The following BCAS3 variants were observed in gnomAD, a reference collection of about 807,000 sequenced individuals.
BCAS3 encodes the protein BCAS3 microtubule associated cell migration factor.
A neutral mutation model predicts 116.1 loss-of-function variants in BCAS3; 53 were observed. That is an observed-to-expected ratio of 0.46 (90% CI 0.37 to 0.57). The LOEUF is 0.57. Ranked by LOEUF, BCAS3 falls within the 20% of genes least tolerant of loss-of-function variation. BCAS3 has a pLI of 0.00. For missense variants in BCAS3, 917 were observed against 1,165.4 expected (o/e 0.79, Z 3.10); for synonymous variants, 391 against 408.2 (o/e 0.96, Z 0.51).
Position 61,213,297 on chromosome 17 carries a change from G to A in BCAS3, c.2425+128733G>A, listed in dbSNP as rs1296591503. On this transcript the variant is annotated intron_variant, in intron 22 of 23. Transcript: ENST00000407086. This position sits in a 1 kb window ranked among gnomAD's most constrained non-coding sequence, Gnocchi z 5.4. ...CGATCCTCCTGCCTCAGCTTCTCGA[G>A]TAGCTGGGATTACAGGCTCCTGCCA... 6.6e-6 allele frequency among the ~76,000 whole-genome samples: 1 copy of A among 152,074 alleles called. No homozygotes were observed. The highest frequency in any genetic ancestry group is 2.4e-5 in the African/African-American group (1 of 41,406).
intron 7 of BCAS3, among the ~76,000 whole-genome samples, chr17:60,828,228 G>A (rs1449473561): frequency 2.0e-5 from 3 of 152,158 alleles, no homozygotes; most frequent in Admixed American, 2.0e-4. Flanking sequence ...ATACAGGCAT[G>A]CTTACTCTAC....
intron 22 of BCAS3, among the ~76,000 whole-genome samples, chr17:61,190,539 A>AG (rs2080044597): frequency 6.6e-6 from 1 of 151,004 alleles, no homozygotes. Flanking sequence ...AAAAAAAAAA[A>AG]AAAAAAAAAA....
intron 19 of BCAS3, among the ~76,000 whole-genome samples, chr17:61,050,361 A>G (rs982305979): frequency 6.6e-6 from 1 of 152,022 alleles, no homozygotes; most frequent in African/African-American, 2.4e-5. Flanking sequence ...TAACAGAAAA[A>G]AATGGCATAT....
chr17:61,218,797 C>G (rs891030700), intron 22 of BCAS3, among the ~76,000 whole-genome samples: 1 of 152,218 alleles, frequency 6.6e-6, no homozygotes, highest in Non-Finnish European at 1.5e-5. Context: ...TAGGTCCCAG[C>G]TTTACTTGTA....
At chr17:60,770,109 G>C (rs1282530184) in intron 6 of BCAS3, among the ~76,000 whole-genome samples, 1 of 152,070 alleles carries the variant, frequency 6.6e-6, no homozygotes, top group South Asian at 2.1e-4. Context: ...AGCTGCAGCT[G>C]TTCAGGGCTT....
At chr17:61,311,034 T>C (rs1339885943) in intron 22 of BCAS3, among the ~76,000 whole-genome samples, 1 of 152,192 alleles carries the variant, frequency 6.6e-6, no homozygotes, top group East Asian at 1.9e-4. Flanking sequence ...ATGTGTAAAA[T>C]AGTATACCTA....
rs907110568 is a variant in BCAS3, at chr17:61,082,901, T to A, written c.2328-1566T>A. On this transcript the variant is annotated intron_variant, in intron 21 of 23. Coordinates refer to ENST00000407086, the MANE Select transcript of BCAS3 (RefSeq NM_017679.5). The surrounding 1 kb of genome is among the most constrained non-coding windows in gnomAD (Gnocchi z 5.1). ...CATCCTATACCTCCCTCCTGTTTTT[T>A]CTTCCTCACAACAAAAGCATGCATT... Among the ~76,000 whole-genome samples, 4 of 152,220 alleles carry A rather than the reference T, an allele frequency of 2.6e-5. No individual in the cohort carries two copies. The highest frequency in any genetic ancestry group is 9.6e-5 in the African/African-American group (4 of 41,464).
chr17:60,811,284 A>G (rs771111004), intron 7 of BCAS3: 19 of 909,196 alleles, frequency 2.1e-5, no homozygotes, highest in Admixed American at 4.0e-5. Flanking sequence ...ATCAAGGTCA[A>G]GCTGGAGACT....
chr17:61,071,804 T>C (rs922884546), intron 19 of BCAS3, among the ~76,000 whole-genome samples: 3 of 152,176 alleles, frequency 2.0e-5, no homozygotes, highest in Non-Finnish European at 4.4e-5. Flanking sequence ...ATTAATTTAT[T>C]GTGAAAAAAA....
At chr17:60,708,618 C>T (rs1454313650) in intron 4 of BCAS3, among the ~76,000 whole-genome samples, 1 of 152,056 alleles carries the variant, frequency 6.6e-6, no homozygotes, top group Admixed American at 6.6e-5. Context: ...GCAACCTCTG[C>T]CTCCTGGGTT....
In BCAS3 at chr17:61,106,583, G is replaced by T. The variant is rs568081899; in HGVS notation, c.2425+22019G>T. Among the ~76,000 whole-genome samples, 1 of 152,338 alleles carries T rather than the reference G, an allele frequency of 6.6e-6. No homozygotes were observed. Among genetic ancestry groups the T allele is most frequent in the South Asian group, 2.1e-4 (1 of 4,828 alleles). On this transcript the variant is annotated intron_variant, in intron 22 of 23. Transcript: ENST00000407086. The surrounding 1 kb of genome is among the most constrained non-coding windows in gnomAD (Gnocchi z 4.2). ...ATCTTTGTTGTTAAGCAATGCGTGG[G>T]TGTATAGTGTTGGTACTGTCCATGG...
chr17:60,740,142 G>T (rs146520413), intron 5 of BCAS3, among the ~76,000 whole-genome samples: 2 of 152,026 alleles, frequency 1.3e-5, no homozygotes, highest in South Asian at 4.1e-4. Flanking sequence ...TCTGATGCTT[G>T]TTGAGTCTCT....
At chr17:60,909,088 A>G (rs1426435077) in intron 11 of BCAS3, among the ~76,000 whole-genome samples, 1 of 152,174 alleles carries the variant, frequency 6.6e-6, no homozygotes, top group Non-Finnish European at 1.5e-5. Flanking sequence ...AAATTGAAGT[A>G]TCTGAGGAAA....
intron 22 of BCAS3, among the ~76,000 whole-genome samples, chr17:61,178,919 AG>A (rs759901763): frequency 2.1e-4 from 32 of 152,178 alleles, no homozygotes; most frequent in Non-Finnish European, 4.6e-4. Context: ...TTATTACAGA[AG>A]TTCTGTAATT....
rs2077012198 is a variant in BCAS3, at chr17:61,143,158, T to C, written c.2425+58594T>C. 2.0e-5 allele frequency among the ~76,000 whole-genome samples: 3 copies of C among 152,220 alleles called. No homozygotes were observed. In the South Asian group the frequency reaches 6.2e-4, roughly 32 times the overall value. ...GTTCTCTTTGACTTTATTTTTGAAC[T>C]CAACTTGCTTGCATTGTTCTTGTTA... On this transcript the variant is annotated intron_variant, in intron 22 of 23. Transcript: ENST00000407086.
intron 22 of BCAS3, among the ~76,000 whole-genome samples, chr17:61,146,391 A>G (rs1189050278): frequency 6.6e-6 from 1 of 151,492 alleles, no homozygotes; most frequent in African/African-American, 2.4e-5. Flanking sequence ...TGCTCGGATT[A>G]CAGGTGTGAG....
intron 22 of BCAS3, among the ~76,000 whole-genome samples, chr17:61,178,270 C>G (rs1474053435): frequency 1.3e-5 from 2 of 152,036 alleles, no homozygotes; most frequent in East Asian, 3.9e-4. Flanking sequence ...AAAAAGAAGA[C>G]TATCAGTGAA....
chr17:61,044,354 G>A (rs1169538412), intron 19 of BCAS3, among the ~76,000 whole-genome samples: 1 of 150,878 alleles, frequency 6.6e-6, no homozygotes, highest in African/African-American at 2.4e-5. Context: ...GGCTGAGGCA[G>A]GAGAATGGCG....
At chr17:61,155,935 T>G (rs1464218838) in intron 22 of BCAS3, among the ~76,000 whole-genome samples, 4 of 152,218 alleles carry the variant, frequency 2.6e-5, no homozygotes, top group African/African-American at 9.6e-5. Context: ...ATTTATCTTT[T>G]AATGCTTCCT....
Sources: gnomAD v4.1 joint callset for allele counts (sites outside exome capture counted in the v4.1 genomes callset) on GRCh38, gnomAD v4.1.1 for gene constraint, Gnocchi (gnomAD v3.1) non-coding constraint, MANE v1.5 for transcripts, NCBI Gene and HGNC (gene_info 2026-07-23, HGNC 2026-07-21) for gene names.